The following FGGY variants were observed in gnomAD, a reference collection of about 807,000 sequenced individuals.
FGGY encodes FGGY carbohydrate kinase domain-containing protein.
Under a neutral mutation model 71.3 loss-of-function variants are expected in FGGY, and 72 were observed. That is an observed-to-expected ratio of 1.01 (90% CI 0.84 to 1.23). FGGY has a LOEUF of 1.23. FGGY is among the 50% of genes most tolerant of loss of function. FGGY has a pLI of 0.00. For missense variants in FGGY, 668 were observed against 682.3 expected (o/e 0.98, Z 0.23); for synonymous variants, 251 against 250.3 (o/e 1.00, Z -0.02).
At chr1:59,452,594 T>G (rs2091293081) in intron 5 of FGGY, among the ~76,000 whole-genome samples, 1 of 152,210 alleles carries the variant, frequency 6.6e-6, no homozygotes, top group Non-Finnish European at 1.5e-5. Context: ...TTAGTTAATG[T>G]TTTTGTTTTG....
intron 6 of FGGY, among the ~76,000 whole-genome samples, chr1:59,478,120 T>C (rs1049112032): frequency 6.6e-6 from 1 of 152,188 alleles, no homozygotes; most frequent in African/African-American, 2.4e-5. Context: ...AAGTAATACC[T>C]CTCTCTGAGA....
rs1420730498 is a variant in FGGY, at chr1:59,378,921, A to G, written c.554+84A>G. ...TATATTGCTTTCTTAACTCTCTTTG[A>G]CTGGATATACTTTTGGTACATCTGC... On this transcript the variant is annotated intron_variant, in intron 5 of 15. Coordinates refer to ENST00000303721, the MANE Select transcript of FGGY (RefSeq NM_018291.5). 7 of 1,125,536 alleles carry G rather than the reference A, an allele frequency of 6.2e-6. No individual in the cohort carries two copies. The Admixed American group carries it at 1.4e-4, about 22-fold the overall frequency. 69.7% of individuals were successfully genotyped at this position (1,125,536 alleles called of 1,614,324 possible). A position where few individuals can be genotyped will look rare whatever the true frequency, so the allele number is the denominator to read the frequency against.
chr1:59,491,781 A>AG (rs1249550614), intron 6 of FGGY, among the ~76,000 whole-genome samples: 1 of 151,970 alleles, frequency 6.6e-6, no homozygotes, highest in African/African-American at 2.4e-5. Context: ...GTGGCATGTG[A>AG]GAAAAATACA....
At chr1:59,735,379 C>T (rs545860701) in intron 14 of FGGY, among the ~76,000 whole-genome samples, 1 of 152,306 alleles carries the variant, frequency 6.6e-6, no homozygotes, top group South Asian at 2.1e-4. Flanking sequence ...AGATTTACAG[C>T]CTGGGAGTCA....
chr1:59,399,947 A>G (rs565297453), intron 5 of FGGY, among the ~76,000 whole-genome samples: 6 of 152,342 alleles, frequency 3.9e-5, no homozygotes, highest in African/African-American at 1.2e-4. Context: ...GGACTTGAAC[A>G]TGAAAATGCC....
At chr1:59,579,250 A>G (rs1558416937) in intron 8 of FGGY, among the ~76,000 whole-genome samples, 1 of 152,036 alleles carries the variant, frequency 6.6e-6, no homozygotes, top group Non-Finnish European at 1.5e-5. Flanking sequence ...ACCAGTTTCT[A>G]AATTTTGGAA....
intron 9 of FGGY, among the ~76,000 whole-genome samples, chr1:59,615,359 A>C (rs1345405011): frequency 6.6e-6 from 1 of 152,192 alleles, no homozygotes; most frequent in African/African-American, 2.4e-5. Context: ...ATCTACAACT[A>C]TCTGATTTTT....
At chr1:59,487,994 A>T (rs1217615907) in intron 6 of FGGY, among the ~76,000 whole-genome samples, 1 of 152,222 alleles carries the variant, frequency 6.6e-6, no homozygotes, top group Non-Finnish European at 1.5e-5. Context: ...ACAGTACCCC[A>T]AAACAATTTT....
At chr1:59,644,521 C>T (rs994303550) in intron 11 of FGGY, among the ~76,000 whole-genome samples, 5 of 151,914 alleles carry the variant, frequency 3.3e-5, no homozygotes, top group African/African-American at 9.7e-5. Flanking sequence ...GCTACACATA[C>T]GATTATTTAA....
chr1:59,619,988 G>T (rs1031495013), intron 9 of FGGY, among the ~76,000 whole-genome samples: 4 of 151,920 alleles, frequency 2.6e-5, no homozygotes, highest in African/African-American at 9.7e-5. Flanking sequence ...CACCCTGATG[G>T]ATTAAGTGTG....
At chr1:59,551,503 G>T (rs946238004) in intron 7 of FGGY, among the ~76,000 whole-genome samples, 4 of 152,090 alleles carry the variant, frequency 2.6e-5, no homozygotes, top group Non-Finnish European at 5.9e-5. Flanking sequence ...GAGCAGCGTG[G>T]CCAACTCCTT....
At chr1:59,371,551 G>A (rs2057636797) in intron 4 of FGGY, among the ~76,000 whole-genome samples, 1 of 152,132 alleles carries the variant, frequency 6.6e-6, no homozygotes, top group South Asian at 2.1e-4. Context: ...TCTGCAACAA[G>A]CAGACCTAAT....
intron 4 of FGGY, among the ~76,000 whole-genome samples, chr1:59,368,859 A>C (rs528750711): frequency 6.2e-4 from 94 of 152,040 alleles, no homozygotes; most frequent in Non-Finnish European, 1.1e-3. Flanking sequence ...TGGGAGGCCG[A>C]AGTGGGTGGA....
At chr1:59,368,020 C>T (rs1197427013) in intron 4 of FGGY, among the ~76,000 whole-genome samples, 1 of 152,146 alleles carries the variant, frequency 6.6e-6, no homozygotes, top group Non-Finnish European at 1.5e-5. Context: ...TAACCCAAAT[C>T]ACTTTTCTTT....
chr1:59,356,497 C>T (rs529390183), intron 4 of FGGY, among the ~76,000 whole-genome samples: 77 of 152,324 alleles, frequency 5.1e-4, no homozygotes, highest in African/African-American at 1.8e-3. Context: ...GCATTCTATG[C>T]TTATCTCTAC....
In FGGY at chr1:59,686,097, T is replaced by C. The variant is rs183947306; in HGVS notation, c.1512+11964T>C. Among the ~76,000 whole-genome samples, 158 of 152,316 alleles carry C rather than the reference T, an allele frequency of 1.0e-3. 1 individual carries two copies. Among genetic ancestry groups the C allele is most frequent in the African/African-American group, 3.7e-3 (153 of 41,562 alleles). On this transcript the variant is annotated intron_variant, in intron 14 of 15. Transcript: ENST00000303721. ...CTTGCTGAGAGCCCAGATCATAACA[T>C]TGAAACCTGACTTCGGGTCTAGGAT...
intron 14 of FGGY, among the ~76,000 whole-genome samples, chr1:59,700,867 G>A (rs1355339392): frequency 2.0e-5 from 3 of 152,174 alleles, no homozygotes; most frequent in Non-Finnish European, 4.4e-5. Context: ...AGGGATGTTC[G>A]TGGTGAGTCC....
chr1:59,299,863 A>C (rs2042491503), intron 1 of FGGY, among the ~76,000 whole-genome samples: 1 of 152,148 alleles, frequency 6.6e-6, no homozygotes, highest in Non-Finnish European at 1.5e-5. Flanking sequence ...AGAGCAGGAA[A>C]TCGGAATGAG....
chr1:59,531,457 A>G (rs1330636890), intron 7 of FGGY, among the ~76,000 whole-genome samples: 1 of 152,214 alleles, frequency 6.6e-6, no homozygotes, highest in Non-Finnish European at 1.5e-5. Context: ...TGAAAATTAA[A>G]TGTATCCACA....
Sources: gnomAD v4.1 joint callset for allele counts (sites outside exome capture counted in the v4.1 genomes callset) on GRCh38, gnomAD v4.1.1 for gene constraint, MANE v1.5 for transcripts, NCBI Gene and HGNC (gene_info 2026-07-23, HGNC 2026-07-21) for gene names.